Variants in SHANK2 observed in about 807,000 individuals in gnomAD.
SHANK2 encodes SH3 and multiple ankyrin repeat domains protein 2.
SHANK2 carries 43 observed loss-of-function variants against 133.7 expected under a neutral mutation model. The ratio of observed to expected loss-of-function variants is 0.32; its 90% confidence interval spans 0.25 to 0.41. The LOEUF (loss-of-function observed/expected upper bound fraction) is 0.41, where lower values mean the gene tolerates loss of function less well. Ranked by LOEUF, SHANK2 falls within the 10% of genes least tolerant of loss-of-function variation. The pLI is 1.00. For missense variants in SHANK2, 1,994 were observed against 2,235.8 expected (o/e 0.89, Z 2.18); for synonymous variants, 1,017 against 952.8 (o/e 1.07, Z -1.24).
intron 11 of SHANK2, chr11:70,862,806 A>G: frequency 7.2e-6 from 2 of 278,146 alleles, no homozygotes; most frequent in South Asian, 6.4e-5. Flanking sequence ...ATCCTTTGGG[A>G]TTCCCCCACG....
At chr11:71,163,804 A>G (rs1223873042) in intron 2 of SHANK2, among the ~76,000 whole-genome samples, 2 of 152,250 alleles carry the variant, frequency 1.3e-5, no homozygotes. Context: ...TTTCACGCAA[A>G]TCACACACCC....
intron 2 of SHANK2, among the ~76,000 whole-genome samples, chr11:71,197,278 C>T (rs1953924049): frequency 6.6e-6 from 1 of 151,238 alleles, no homozygotes; most frequent in Non-Finnish European, 1.5e-5. Flanking sequence ...ATGGCTGGGC[C>T]CTCCCGGGTG....
intron 14 of SHANK2, among the ~76,000 whole-genome samples, chr11:70,744,261 C>T (rs1946592612): frequency 6.6e-6 from 1 of 152,250 alleles, no homozygotes; most frequent in Admixed American, 6.5e-5. Flanking sequence ...GAAGCTCCTG[C>T]CCTTGTGGGC....
At chr11:71,249,856 A>G (rs929332280) in intron 1 of SHANK2, among the ~76,000 whole-genome samples, 12 of 152,260 alleles carry the variant, frequency 7.9e-5, no homozygotes, top group Middle Eastern at 6.8e-3. Context: ...TCACTAATGA[A>G]ATATAAAATG....
intron 14 of SHANK2, among the ~76,000 whole-genome samples, chr11:70,788,989 C>T (rs939731893): frequency 1.1e-4 from 17 of 151,988 alleles, no homozygotes; most frequent in African/African-American, 2.7e-4. Flanking sequence ...GGGCTGGTGG[C>T]GGTCCGGAGA....
chr11:71,085,621 A>T (rs1431051141), intron 8 of SHANK2, among the ~76,000 whole-genome samples: 3 of 76,052 alleles, frequency 3.9e-5, no homozygotes, highest in Admixed American at 4.9e-4. Flanking sequence ...ATATTATATT[A>T]TATATTATAA....
chr11:70,934,350 A>C (rs1950542687), intron 10 of SHANK2, among the ~76,000 whole-genome samples: 1 of 151,522 alleles, frequency 6.6e-6, no homozygotes, highest in Non-Finnish European at 1.5e-5. Flanking sequence ...CAGGTAATGG[A>C]GGCCCGTGCA....
chr11:70,653,132 C>T (rs1331278050), intron 17 of SHANK2, among the ~76,000 whole-genome samples: 1 of 151,952 alleles, frequency 6.6e-6, no homozygotes, highest in African/African-American at 2.4e-5. Flanking sequence ...ACCACCACAC[C>T]CGGCTAATTT....
At chr11:70,618,289 G>A (rs1420844206) in intron 17 of SHANK2, among the ~76,000 whole-genome samples, 11 of 143,242 alleles carry the variant, frequency 7.7e-5, no homozygotes, top group Non-Finnish European at 1.5e-5. Context: ...GTTAAGACTC[G>A]GTCTCAGAAA....
intron 12 of SHANK2, among the ~76,000 whole-genome samples, chr11:70,815,244 GAGA>G (rs1948367871): frequency 6.8e-6 from 1 of 147,766 alleles, no homozygotes; most frequent in Non-Finnish European, 1.5e-5. Flanking sequence ...ACACGAAAAT[GAGA>G]AGGAGGAGGC....
intron 14 of SHANK2, among the ~76,000 whole-genome samples, chr11:70,756,379 G>T (rs1946873668): frequency 6.6e-6 from 1 of 152,210 alleles, no homozygotes; most frequent in Admixed American, 6.5e-5. Context: ...GATCCTGGGG[G>T]CTGGCCACGG....
chr11:70,855,989 GGATA>G (rs1949163992), intron 11 of SHANK2, among the ~76,000 whole-genome samples: 2 of 152,086 alleles, frequency 1.3e-5, no homozygotes, highest in Admixed American at 6.6e-5. Context: ...ATAGATGAAT[GGATA>G]GATGGATGGA....
intron 9 of SHANK2, 45 bp from the exon 10 acceptor site, chr11:71,056,603 G>A (rs943989431): frequency 6.6e-6 from 1 of 152,234 alleles, no homozygotes; most frequent in Non-Finnish European, 1.5e-5. Flanking sequence ...TGGTAGCACA[G>A]ACATTCTCCA....
chr11:70,539,519 G>A (rs180896359), intron 17 of SHANK2, among the ~76,000 whole-genome samples: 7 of 150,850 alleles, frequency 4.6e-5, no homozygotes, highest in South Asian at 2.1e-4. Context: ...CACTCGCCAC[G>A]CTCACCACGC....
intron 2 of SHANK2, among the ~76,000 whole-genome samples, chr11:71,215,742 C>G (rs1954398470): frequency 6.6e-6 from 1 of 152,192 alleles, no homozygotes; most frequent in African/African-American, 2.4e-5. Context: ...GAGCTCAAAC[C>G]TCTGCAAACA....
At chr11:70,730,103 G>A (rs1219857089) in intron 14 of SHANK2, among the ~76,000 whole-genome samples, 1 of 152,196 alleles carries the variant, frequency 6.6e-6, no homozygotes, top group Non-Finnish European at 1.5e-5. Flanking sequence ...AAGGGCCTTG[G>A]AGAGGAGGAA....
chr11:70,871,756 G>C (rs918268175), intron 11 of SHANK2, among the ~76,000 whole-genome samples: 11 of 152,162 alleles, frequency 7.2e-5, no homozygotes, highest in Non-Finnish European at 1.3e-4. Flanking sequence ...GGCCACATGG[G>C]GGCTGGGAGG....
intron 1 of SHANK2, among the ~76,000 whole-genome samples, chr11:71,246,231 T>C (rs1954958809): frequency 6.6e-6 from 1 of 151,982 alleles, no homozygotes; most frequent in Admixed American, 6.6e-5. Flanking sequence ...CCTTGGGCCC[T>C]AAGCCTCCCA....
chr11:70,806,889 C>T (rs1948174017), intron 13 of SHANK2, 113 bp downstream of exon 13: 2 of 611,372 alleles, frequency 3.3e-6, no homozygotes, highest in Admixed American at 3.0e-5. Flanking sequence ...CTTCCAGGGG[C>T]CCGTGTTTTC....
Sources: allele counts gnomAD v4.1 joint callset (sites outside exome capture counted in the v4.1 genomes callset), GRCh38; gene constraint gnomAD v4.1.1; transcripts MANE v1.5; gene names NCBI Gene and HGNC (gene_info 2026-07-23, HGNC 2026-07-21).